Variants in DGKH observed in about 807,000 individuals in gnomAD.
DGKH encodes DAG kinase eta.
In DGKH, 90 loss-of-function variants were observed where a neutral mutation model predicts 159.3. That is an observed-to-expected ratio of 0.57 (90% CI 0.48 to 0.67). DGKH has a LOEUF of 0.67. Ranked by LOEUF, DGKH falls within the 30% of genes least tolerant of loss-of-function variation. The probability of loss-of-function intolerance (pLI) is 0.00; values close to 1 mark genes in which losing one functional copy is unlikely to be tolerated. For synonymous variants in DGKH, 536 were observed against 553.8 expected, an observed-to-expected ratio of 0.97 and a Z score of 0.45; for missense variants, 1,181 against 1,506.1, an observed-to-expected ratio of 0.78 and a Z score of 3.57.
chr13:42,072,012 G>GT (rs2137695472), intron 1 of DGKH, among the ~76,000 whole-genome samples: 1 of 152,292 alleles, frequency 6.6e-6, no homozygotes, highest in South Asian at 2.1e-4. Context: ...ACTACTCAGT[G>GT]TTTATGTAAT....
chr13:42,178,256 A>C (rs770219961), intron 13 of DGKH, 36 bp downstream of exon 13: 24 of 1,471,058 alleles, frequency 1.6e-5, no homozygotes, highest in Non-Finnish European at 1.8e-5. Context: ...AATATGGTGA[A>C]AATGAAATGA....
chr13:42,118,109 CG>C (rs1047344766), intron 1 of DGKH, among the ~76,000 whole-genome samples: 7 of 151,906 alleles, frequency 4.6e-5, no homozygotes, highest in African/African-American at 1.5e-4. Flanking sequence ...CCCAGCTACT[CG>C]GGAGGCTGAG....
chr13:42,126,693 C>A (rs1955177673), intron 1 of DGKH, among the ~76,000 whole-genome samples: 1 of 152,130 alleles, frequency 6.6e-6, no homozygotes, highest in Non-Finnish European at 1.5e-5. Flanking sequence ...TTTGAAGATG[C>A]CTCAAATATC....
At chr13:42,193,972 C>G (rs12875392) in intron 16 of DGKH, among the ~76,000 whole-genome samples, 17,848 of 152,120 alleles carry the variant, frequency 0.12, 1,526 homozygotes, top group East Asian at 0.4. Context: ...CTTTCTTCTT[C>G]TTGTGTACTT....
intron 13 of DGKH, among the ~76,000 whole-genome samples, chr13:42,184,394 T>C (rs1290845490): frequency 6.6e-6 from 1 of 152,108 alleles, no homozygotes; most frequent in Non-Finnish European, 1.5e-5. Flanking sequence ...ATACTAGTGA[T>C]GAGAAGTATG....
At chr13:42,096,225 AT>A (rs1954530255) in intron 1 of DGKH, among the ~76,000 whole-genome samples, 1 of 151,346 alleles carries the variant, frequency 6.6e-6, no homozygotes. Context: ...CCAACAGTTA[AT>A]TTTTTAACCC....
chr13:42,148,432 C>T (rs1253624155), intron 3 of DGKH, among the ~76,000 whole-genome samples: 1 of 152,082 alleles, frequency 6.6e-6, no homozygotes, highest in Non-Finnish European at 1.5e-5. Context: ...CTATGGAATC[C>T]TTTTTTATCT....
At chr13:42,139,760 T>C (rs1477573240) in intron 3 of DGKH, among the ~76,000 whole-genome samples, 1 of 152,152 alleles carries the variant, frequency 6.6e-6, no homozygotes, top group African/African-American at 2.4e-5. Flanking sequence ...GGATATACAG[T>C]GCTAAATAAA....
chr13:42,095,156 C>CTTTTTTTTTTTTT (rs776422302), intron 1 of DGKH, among the ~76,000 whole-genome samples: 40 of 76,816 alleles, frequency 5.2e-4, no homozygotes, highest in Non-Finnish European at 6.8e-4. Flanking sequence ...ATGTTGACTC[C>CTTTTTTTTTTTTT]TTTTTTTTTT....
chr13:42,210,504 C>T (rs748318348), intron 23 of DGKH, 98 bp from the exon 24 acceptor site: 10 of 1,173,868 alleles, frequency 8.5e-6, no homozygotes, highest in Non-Finnish European at 1.2e-5. Context: ...TTTGAGGAGT[C>T]ATTAGAGAAA....
At chr13:42,202,981 TA>T (rs1957383456) in intron 20 of DGKH, among the ~76,000 whole-genome samples, 1 of 152,180 alleles carries the variant, frequency 6.6e-6, no homozygotes, top group Non-Finnish European at 1.5e-5. Context: ...CAAATAACTT[TA>T]AAAAACAGTC....
At chr13:42,155,580 G>T in intron 4 of DGKH, 87 bp from the exon 5 acceptor site, 1 of 1,577,434 alleles carries the variant, frequency 6.3e-7, no homozygotes, top group South Asian at 1.2e-5. Flanking sequence ...TTGAAAATTT[G>T]ACCATAACTA....
chr13:42,107,181 G>A (rs1427801489), intron 1 of DGKH, among the ~76,000 whole-genome samples: 4 of 152,240 alleles, frequency 2.6e-5, no homozygotes, highest in Non-Finnish European at 4.4e-5. Context: ...ATTTGGAGGA[G>A]CGGTTATTTA....
intron 24 of DGKH, among the ~76,000 whole-genome samples, chr13:42,213,362 G>A (rs1363382181): frequency 6.6e-6 from 1 of 152,136 alleles, no homozygotes; most frequent in East Asian, 1.9e-4. Flanking sequence ...AGAGGAGTAG[G>A]TATTAGAAGG....
At chr13:42,250,334 C>A (rs1414763070) in intron 29 of DGKH, among the ~76,000 whole-genome samples, 1 of 151,956 alleles carries the variant, frequency 6.6e-6, no homozygotes, top group Non-Finnish European at 1.5e-5. Context: ...TTATAGGGTA[C>A]AATGTGATAC....
At chr13:42,176,076 C>T (rs1311378166) in intron 12 of DGKH, among the ~76,000 whole-genome samples, 1 of 152,198 alleles carries the variant, frequency 6.6e-6, no homozygotes, top group Non-Finnish European at 1.5e-5. Context: ...TAAGTTACAT[C>T]TATAATTTTA....
intron 1 of DGKH, chr13:42,070,719 C>T: frequency 6.2e-7 from 1 of 1,609,040 alleles, no homozygotes. Flanking sequence ...CATGCTCTTC[C>T]AGTAAAGGGC....
At chr13:42,206,962 T>C (rs1023034147) in intron 21 of DGKH, among the ~76,000 whole-genome samples, 1 of 147,588 alleles carries the variant, frequency 6.8e-6, no homozygotes, top group African/African-American at 2.4e-5. Flanking sequence ...CAATACCTTT[T>C]GGTACTTTTA....
At chr13:42,206,277 A>G (rs1957471290) in intron 21 of DGKH, 131 bp downstream of exon 21, 2 of 456,292 alleles carry the variant, frequency 4.4e-6, no homozygotes, top group African/African-American at 2.0e-5. Context: ...TAAGTGAGGC[A>G]TGGAATAGAT....
Sources: allele counts gnomAD v4.1 joint callset (sites outside exome capture counted in the v4.1 genomes callset), GRCh38; gene constraint gnomAD v4.1.1; transcripts MANE v1.5; gene names NCBI Gene and HGNC (gene_info 2026-07-23, HGNC 2026-07-21).